FARP2: variants seen among roughly 807,000 people sequenced by gnomAD.
The protein encoded by FARP2 is FERM, ARHGEF and pleckstrin domain-containing protein 2.
Under a neutral mutation model 130.5 loss-of-function variants are expected in FARP2, and 111 were observed. The observed-to-expected ratio is 0.85, with a 90% CI of 0.73 to 1.00. FARP2 has a LOEUF of 1.00. FARP2 is among the 50% of genes least tolerant of loss of function. The pLI, the probability that FARP2 is intolerant of heterozygous loss-of-function variation, is 0.00. For synonymous variants in FARP2, 504 were observed against 516.9 expected, an observed-to-expected ratio of 0.98 and a Z score of 0.34; for missense variants, 1,385 against 1,346.3, an observed-to-expected ratio of 1.03 and a Z score of -0.45.
intron 2 of FARP2, among the ~76,000 whole-genome samples, chr2:241,397,857 T>A (rs2062068710): frequency 7.1e-6 from 1 of 141,768 alleles, no homozygotes; most frequent in African/African-American, 2.6e-5. Flanking sequence ...TTTGAGACAG[T>A]CTCGCTCTGT....
chr2:241,490,985 G>A (rs918827209), intron 22 of FARP2, 76 bp from the exon 23 acceptor site: 9 of 1,119,146 alleles, frequency 8.0e-6, no homozygotes, highest in South Asian at 2.5e-5. Context: ...GTGCCCTGAC[G>A]GCTCGCCCTC....
intron 11 of FARP2, among the ~76,000 whole-genome samples, chr2:241,435,343 T>A (rs1029141590): frequency 6.7e-6 from 1 of 148,566 alleles, no homozygotes; most frequent in African/African-American, 2.6e-5. Context: ...TGGGCTCAAG[T>A]AATCCTCCAA....
Position 241,494,125 on chromosome 2 carries a change from A to T in FARP2, c.3165A>T (p.Ter1055CysextTer19), listed in dbSNP as rs1470983149. 6.8e-7 allele frequency: 1 copy of T among 1,468,346 alleles called. No homozygotes were observed. Among genetic ancestry groups the T allele is most frequent in the South Asian group, 1.5e-5 (1 of 66,242 alleles). 91.0% of individuals were successfully genotyped at this position (1,468,346 alleles called of 1,614,324 possible). A position where few individuals can be genotyped will look rare whatever the true frequency, so the allele number is the denominator to read the frequency against. Reference sequence around the variant, plus strand: ...GGATGGTCAGGGGGAAGGAGGAATGACGCTCAACCTGCCCAGGTTTGGACA... The same window carrying T: ...GGATGGTCAGGGGGAAGGAGGAATGTCGCTCAACCTGCCCAGGTTTGGACA... ...LEGMVRGKEE[*>C] Residue 1055 changes from the stop codon to cysteine (C), a stop_lost, in exon 27 of 27, where the codon TGA becomes TGT. Transcript: ENST00000264042. The surrounding 1 kb of genome is among the most constrained non-coding windows in gnomAD (Gnocchi z 4.9).
intron 14 of FARP2, among the ~76,000 whole-genome samples, chr2:241,458,247 G>A (rs2063917227): frequency 1.3e-5 from 2 of 152,126 alleles, no homozygotes; most frequent in South Asian, 4.1e-4. Flanking sequence ...GGGTCCCTGA[G>A]TGGCAGCTGG....
chr2:241,422,413 A>G (rs115208812), intron 8 of FARP2, among the ~76,000 whole-genome samples: 1 of 151,930 alleles, frequency 6.6e-6, no homozygotes, highest in African/African-American at 2.4e-5. Context: ...AAAAAAAAAA[A>G]CAGAAAACAA....
At chr2:241,383,819 A>G (rs1251818429) in intron 2 of FARP2, among the ~76,000 whole-genome samples, 1 of 152,100 alleles carries the variant, frequency 6.6e-6, no homozygotes, top group Non-Finnish European at 1.5e-5. Context: ...TAGGGAGCCC[A>G]TGGGAAGAGC....
rs765795308 is a variant in FARP2, at chr2:241,373,210, C to G, written c.103C>G (p.Leu35Val). The G allele has an allele frequency of 6.3e-6, 10 of 1,576,786 alleles. No homozygotes were observed. The highest frequency in any genetic ancestry group is 1.4e-5 in the African/African-American group (1 of 73,704). ...GVSTLEPGQTLLPRMQEKHLH... is the reference protein window; with the variant it reads ...GVSTLEPGQTVLPRMQEKHLH... The stretch of plus-strand genomic sequence containing the variant: ...TAGCACCCTTGAGCCTGGGCAGACT[C>G]TCTTGCCCAGAATGCAAGAGAAGCA... Residue 35 changes from leucine (L) to valine (V), a missense_variant, in exon 2 of 27, where the codon CTC becomes GTC. Coordinates refer to ENST00000264042, the MANE Select transcript of FARP2 (RefSeq NM_014808.4).
intron 6 of FARP2, among the ~76,000 whole-genome samples, chr2:241,413,088 C>T (rs1295359015): frequency 1.3e-5 from 2 of 152,104 alleles, no homozygotes; most frequent in African/African-American, 4.8e-5. Context: ...ACTAATCAGG[C>T]CTTTGTTCTT....
chr2:241,473,958 T>C (rs2064383515), intron 18 of FARP2, among the ~76,000 whole-genome samples: 1 of 152,068 alleles, frequency 6.6e-6, no homozygotes, highest in African/African-American at 2.4e-5. Context: ...CTTCATTCTT[T>C]TCTGACTTTA....
At chr2:241,383,777 A>G (rs1020261932) in intron 2 of FARP2, among the ~76,000 whole-genome samples, 8 of 152,118 alleles carry the variant, frequency 5.3e-5, no homozygotes, top group African/African-American at 1.9e-4. Flanking sequence ...AACATGGTGC[A>G]AGGACTGGGC....
At chr2:241,378,446 C>G (rs2061590976) in intron 2 of FARP2, among the ~76,000 whole-genome samples, 2 of 95,116 alleles carry the variant, frequency 2.1e-5, no homozygotes, top group South Asian at 6.5e-4. Flanking sequence ...GGATCTCACT[C>G]TGTCACCCAG....
chr2:241,423,259 G>C (rs1345373591), intron 8 of FARP2, among the ~76,000 whole-genome samples: 1 of 152,156 alleles, frequency 6.6e-6, no homozygotes, highest in Non-Finnish European at 1.5e-5. Flanking sequence ...ACTAACAGGG[G>C]ACCTCTCAGC....
At chr2:241,463,517 A>G (rs932234998) in intron 16 of FARP2, 49 bp downstream of exon 16, 2 of 1,581,032 alleles carry the variant, frequency 1.3e-6, no homozygotes, top group Admixed American at 1.8e-5. Context: ...CCAACTCATC[A>G]TCACCGCTCT....
At chr2:241,464,100 TC>T in intron 17 of FARP2, 120 bp downstream of exon 17, 1 of 767,632 alleles carries the variant, frequency 1.3e-6, no homozygotes, top group East Asian at 2.8e-5. Context: ...CAGAACAGGA[TC>T]CCCCTCAGAG....
intron 5 of FARP2, 23 bp downstream of exon 5, chr2:241,407,638 G>A: frequency 6.4e-7 from 1 of 1,566,612 alleles, no homozygotes; most frequent in Non-Finnish European, 8.8e-7. Flanking sequence ...CAGAGCTGAA[G>A]CTGTTGTCAG....
rs1049437261 is a variant in FARP2, at chr2:241,475,566, A to G, written c.2132-291A>G. Among the ~76,000 whole-genome samples, 2 of 152,140 alleles carry G rather than the reference A, an allele frequency of 1.3e-5. No individual in the cohort carries two copies. Among genetic ancestry groups the G allele is most frequent in the Non-Finnish European group, 2.9e-5 (2 of 68,016 alleles). On this transcript the variant is annotated intron_variant, in intron 18 of 26. Coordinates refer to ENST00000264042, the MANE Select transcript of FARP2 (RefSeq NM_014808.4). This position sits in a 1 kb window ranked among gnomAD's most constrained non-coding sequence, Gnocchi z 4.4. ...CTATTGTGAACTGCACATGTGGGGG[A>G]TCTAGTTTGTATGCTCCTTGTGAGA...
intron 5 of FARP2, among the ~76,000 whole-genome samples, chr2:241,410,104 G>A (rs1000505788): frequency 2.0e-5 from 3 of 152,072 alleles, no homozygotes; most frequent in Admixed American, 6.6e-5. Flanking sequence ...CGTAATTCAC[G>A]CTCAGTAATT....
chr2:241,466,021 T>C, intron 17 of FARP2: 1 of 1,322,162 alleles, frequency 7.6e-7, no homozygotes, highest in East Asian at 3.2e-5. Context: ...ACAAATCTGT[T>C]TGATCCAGAT....
At chr2:241,397,449 C>G (rs2062058414) in intron 2 of FARP2, among the ~76,000 whole-genome samples, 1 of 152,126 alleles carries the variant, frequency 6.6e-6, no homozygotes, top group Non-Finnish European at 1.5e-5. Flanking sequence ...AACTTGCATA[C>G]AGTGATCTAT....
Sources: allele counts gnomAD v4.1 joint callset (sites outside exome capture counted in the v4.1 genomes callset), GRCh38; gene constraint gnomAD v4.1.1; non-coding constraint Gnocchi (gnomAD v3.1); transcripts MANE v1.5; gene names NCBI Gene and HGNC (gene_info 2026-07-23, HGNC 2026-07-21).